PECAM1: variants seen among roughly 807,000 people sequenced by gnomAD.
PECAM1 encodes platelet and endothelial cell adhesion molecule 1.
In PECAM1, 8 loss-of-function variants were observed where a neutral mutation model predicts 13.8. The ratio of observed to expected loss-of-function variants is 0.58; its 90% CI spans 0.34 to 1.05. The LOEUF (loss-of-function observed/expected upper bound fraction) is 1.05. Among genes scored for constraint, PECAM1 ranks in the 50% least tolerant of loss-of-function variants. PECAM1 has a pLI of 0.03. For missense variants in PECAM1, 304 were observed against 141.2 expected (o/e 2.15, Z -5.84); for synonymous variants, 136 against 52.6 (o/e 2.58, Z -6.86).
At chr17:64,334,459 C>T (rs931741835) in intron 14 of PECAM1, among the ~76,000 whole-genome samples, 4 of 152,060 alleles carry the variant, frequency 2.6e-5, no homozygotes, top group Non-Finnish European at 4.4e-5. Flanking sequence ...GCAAAGACTC[C>T]GCTCTGCACC....
chr17:64,338,478 A>G lies in PECAM1; in HGVS notation c.2164+3156T>C, dbSNP rs1368355645. 3.3e-5 allele frequency among the ~76,000 whole-genome samples: 5 copies of G among 152,126 alleles called. No individual in the cohort carries two copies. The East Asian group carries it at 9.6e-4, about 29-fold the overall frequency. On this transcript the variant is annotated intron_variant, in intron 14 of 15. Transcript: ENST00000563924. ...ACTTTCTCAGTTTGCCACTCTGGGA[A>G]GCCAAAAACCATCTTTCCTTTGTCT...
chr17:64,349,622 C>A (rs1241042784), intron 12 of PECAM1, among the ~76,000 whole-genome samples: 1 of 143,830 alleles, frequency 7.0e-6, no homozygotes, highest in Non-Finnish European at 1.5e-5. Context: ...CGCAGTGGCT[C>A]GCGCCTGTAA....
chr17:64,326,522 G>A (rs991893462), intron 15 of PECAM1, among the ~76,000 whole-genome samples: 2 of 152,202 alleles, frequency 1.3e-5, no homozygotes, highest in South Asian at 2.1e-4. Flanking sequence ...GCCTGCCAGC[G>A]CCGGCAGCCA....
chr17:64,377,224 A>G (rs2036379849), intron 3 of PECAM1, among the ~76,000 whole-genome samples: 1 of 152,154 alleles, frequency 6.6e-6, no homozygotes, highest in African/African-American at 2.4e-5. Context: ...TATACACACA[A>G]ATACCATTGA....
chr17:64,357,392 C>G (rs2035870119), intron 7 of PECAM1, among the ~76,000 whole-genome samples: 1 of 152,028 alleles, frequency 6.6e-6, no homozygotes, highest in African/African-American at 2.4e-5. Context: ...CCCAGCCAGC[C>G]TCACTCCCTG....
intron 12 of PECAM1, among the ~76,000 whole-genome samples, chr17:64,349,586 T>G (rs2035664140): frequency 1.2e-4 from 1 of 8,360 alleles, no homozygotes; most frequent in Non-Finnish European, 8.0e-4. Context: ...AGACTCTGTA[T>G]CAAAAAAAAA....
chr17:64,384,873 C>G (rs1214572142), intron 2 of PECAM1, among the ~76,000 whole-genome samples: 4 of 152,238 alleles, frequency 2.6e-5, no homozygotes, highest in African/African-American at 9.6e-5. Context: ...CTTCAAAAGT[C>G]TCTGCCTGAT....
chr17:64,341,102 A>AAG (rs1348342557), intron 14 of PECAM1, among the ~76,000 whole-genome samples: 1 of 150,890 alleles, frequency 6.6e-6, no homozygotes, highest in African/African-American at 2.4e-5. Flanking sequence ...GTCTCAAAAA[A>AAG]AAAAAAAAAA....
chr17:64,371,090 C>A (rs2036227965), intron 4 of PECAM1, among the ~76,000 whole-genome samples: 1 of 152,022 alleles, frequency 6.6e-6, no homozygotes, highest in Non-Finnish European at 1.5e-5. Context: ...TTCTTTCACC[C>A]AAATCACCTC....
chr17:64,375,927 CAG>C (rs1282959423), intron 3 of PECAM1, among the ~76,000 whole-genome samples: 3 of 152,074 alleles, frequency 2.0e-5, no homozygotes, highest in Non-Finnish European at 4.4e-5. Context: ...TTTGGGGACT[CAG>C]GGGAAAGAGT....
In PECAM1 at chr17:64,321,958, TC is replaced by T. The variant is rs1393556220; in HGVS notation, c.*1857del. 3.1e-6 allele frequency: 4 copies of T among 1,308,764 alleles called. No individual in the cohort carries two copies. Among genetic ancestry groups the T allele is most frequent in the Non-Finnish European group, 4.0e-6 (4 of 990,754 alleles). 81.1% of individuals were successfully genotyped at this position (1,308,764 alleles called of 1,614,324 possible). On this transcript the variant is annotated 3_prime_UTR_variant, in exon 16 of 16. Coordinates refer to ENST00000563924, the MANE Select transcript of PECAM1 (RefSeq NM_000442.5). The stretch of plus-strand genomic sequence containing the variant: ...ATGAAGGTCGTTAGAGGTCGTCTGA[TC>T]CTTTGACCTCAATCTGAGCCCACCA...
chr17:64,374,554 C>T lies in PECAM1; in HGVS notation c.691+497G>A, dbSNP rs977394017. 9.3e-5 allele frequency among the ~76,000 whole-genome samples: 14 copies of T among 150,006 alleles called. No homozygotes were observed. The South Asian group carries it at 1.5e-3, about 16-fold the overall frequency. On this transcript the variant is annotated intron_variant, in intron 4 of 15. Transcript: ENST00000563924. ...ATCCCAGCACTATGGGAGGCCAAGG[C>T]GGGTGGATCGCCTGACATCAGGAGT...
intron 14 of PECAM1, among the ~76,000 whole-genome samples, chr17:64,334,966 C>T (rs1307423283): frequency 1.3e-5 from 2 of 152,054 alleles, no homozygotes; most frequent in East Asian, 1.9e-4. Flanking sequence ...AGAGCCTTAG[C>T]GTGGCACAAT....
At chr17:64,324,432 C>A (rs2034889230) in intron 15 of PECAM1, among the ~76,000 whole-genome samples, 1 of 152,210 alleles carries the variant, frequency 6.6e-6, no homozygotes, top group African/African-American at 2.4e-5. Context: ...GCCTCTGTCC[C>A]TGCATACATG....
chr17:64,338,929 G>A (rs1171923860), intron 14 of PECAM1, among the ~76,000 whole-genome samples: 1 of 152,156 alleles, frequency 6.6e-6, no homozygotes, highest in Non-Finnish European at 1.5e-5. Flanking sequence ...TCTCCTGTGT[G>A]ATTTGCGTTA....
At chr17:64,330,635 CAAA>C (rs200563172) in intron 14 of PECAM1, among the ~76,000 whole-genome samples, 1 of 107,756 alleles carries the variant, frequency 9.3e-6, no homozygotes. Context: ...GACTCCATCT[CAAA>C]AAAAAAAAAA....
At chr17:64,336,690 G>A (rs2143710880) in intron 14 of PECAM1, among the ~76,000 whole-genome samples, 1 of 152,074 alleles carries the variant, frequency 6.6e-6, no homozygotes, top group African/African-American at 2.4e-5. Flanking sequence ...TTGGGCAATA[G>A]CCTGGGCAAC....
At chr17:64,369,082 AT>A in intron 5 of PECAM1, among the ~76,000 whole-genome samples, 1 of 151,602 alleles carries the variant, frequency 6.6e-6, no homozygotes, top group South Asian at 2.1e-4. Flanking sequence ...GATTACAGGC[AT>A]GCTGCCATGC....
chr17:64,358,111 CTT>C (rs141671796), intron 7 of PECAM1, among the ~76,000 whole-genome samples: 269 of 71,516 alleles, frequency 3.8e-3, no homozygotes, highest in African/African-American at 0.014. Context: ...TGGCCACAGT[CTT>C]TTTTTTTTTT....
Sources: allele counts gnomAD v4.1 joint callset (sites outside exome capture counted in the v4.1 genomes callset), GRCh38; gene constraint gnomAD v4.1.1; transcripts MANE v1.5; gene names NCBI Gene and HGNC (gene_info 2026-07-23, HGNC 2026-07-21).